NUF2: variants seen among roughly 807,000 people sequenced by gnomAD.
NUF2 encodes NUF2 component of NDC80 kinetochore complex.
In NUF2, 34 loss-of-function variants were observed where a neutral mutation model predicts 61.8. That is an observed-to-expected ratio of 0.55 (90% confidence interval 0.42 to 0.73). The LOEUF (loss-of-function observed/expected upper bound fraction) is 0.73, where lower values mean the gene tolerates loss of function less well. Among genes scored for constraint, NUF2 ranks in the 30% least tolerant of loss-of-function variants. The pLI, the probability that NUF2 is intolerant of heterozygous loss-of-function variation, is 0.00. For missense variants in NUF2, 445 were observed against 539.1 expected, an observed-to-expected ratio of 0.83 and a Z score of 1.73; for synonymous variants, 172 against 181.6, an observed-to-expected ratio of 0.95 and a Z score of 0.42.
At position 163,338,107 on chromosome 1, in the gene NUF2, T is replaced by C; in HGVS notation, c.509+14T>C. ...GGAGAGACTTGAGTAAGTGGGAGATTTACAAGTAAAATAAATGCAATTTCA... is the reference window on the plus strand; with the variant it reads ...GGAGAGACTTGAGTAAGTGGGAGATCTACAAGTAAAATAAATGCAATTTCA... On this transcript the variant is annotated intron_variant, in intron 7 of 13. Transcript: ENST00000271452. 6.3e-7 allele frequency: 1 copy of C among 1,599,946 alleles called. No individual in the cohort carries two copies. Among genetic ancestry groups the C allele is most frequent in the South Asian group, 1.1e-5 (1 of 90,634 alleles).
At chr1:163,330,874 G>A (rs1267865468) in intron 5 of NUF2, among the ~76,000 whole-genome samples, 1 of 151,198 alleles carries the variant, frequency 6.6e-6, no homozygotes, top group Non-Finnish European at 1.5e-5. Context: ...GTGTAGACAA[G>A]TACAATTGAT....
chr1:163,331,041 T>A (rs1290400818), intron 5 of NUF2, among the ~76,000 whole-genome samples: 1 of 128,504 alleles, frequency 7.8e-6, no homozygotes, highest in Non-Finnish European at 1.7e-5. Context: ...TTTTTTTTTT[T>A]ACGTTTCTGC....
chr1:163,324,416 G>A (rs572075109), intron 1 of NUF2, among the ~76,000 whole-genome samples: 50 of 152,286 alleles, frequency 3.3e-4, no homozygotes, highest in African/African-American at 9.9e-4. Context: ...TGTTCAAGTT[G>A]AATTGGGAAG....
chr1:163,327,115 C>A (rs879913331), intron 2 of NUF2, among the ~76,000 whole-genome samples: 146 of 43,508 alleles, frequency 3.4e-3, no homozygotes, highest in Non-Finnish European at 6.1e-3. Context: ...CACACACACA[C>A]ACACACACAC....
At chr1:163,344,588 T>C (rs533899408) in intron 10 of NUF2, among the ~76,000 whole-genome samples, 1 of 129,364 alleles carries the variant, frequency 7.7e-6, no homozygotes, top group Non-Finnish European at 1.7e-5. Context: ...GTAAGGTGTG[T>C]TCAAGATTAT....
intron 3 of NUF2, 121 bp from the exon 4 acceptor site, chr1:163,328,105 AGG>A: frequency 1.8e-6 from 1 of 551,132 alleles, no homozygotes; most frequent in South Asian, 3.1e-5. Context: ...CATTTATACT[AGG>A]ATATGTATTA....
intron 5 of NUF2, among the ~76,000 whole-genome samples, chr1:163,332,879 T>A (rs1455812932): frequency 6.6e-6 from 1 of 152,162 alleles, no homozygotes; most frequent in Non-Finnish European, 1.5e-5. Flanking sequence ...GACCTGAACA[T>A]CTTTGGGTGC....
chr1:163,341,562 G>T (rs1319911906), intron 9 of NUF2, among the ~76,000 whole-genome samples: 1 of 151,904 alleles, frequency 6.6e-6, no homozygotes, highest in Non-Finnish European at 1.5e-5. Context: ...TGTCCATCTT[G>T]CTTAGTGATT....
intron 13 of NUF2, among the ~76,000 whole-genome samples, chr1:163,352,851 G>A (rs1450661950): frequency 6.6e-6 from 1 of 151,686 alleles, no homozygotes; most frequent in African/African-American, 2.4e-5. Context: ...GGGCGACAGA[G>A]CGAGACTCCG....
intron 11 of NUF2, 73 bp downstream of exon 11, chr1:163,345,891 C>T (rs1336102378): frequency 9.2e-7 from 1 of 1,082,052 alleles, no homozygotes; most frequent in Non-Finnish European, 1.3e-6. Context: ...TTTGCTTTCA[C>T]TTTTTGTTAT....
In NUF2 at chr1:163,327,565, G is replaced by A; in HGVS notation, c.198+3G>A. On this transcript the variant is annotated splice_donor_region_variant and intron_variant, in intron 3 of 13. Coordinates refer to ENST00000271452, the MANE Select transcript of NUF2 (RefSeq NM_145697.3). Reference sequence around the variant, plus strand: ...TTCGACTGGAACATTTTTACATGGTGAGTTTAAGATGAGGCAAAATTATGG... The same window carrying A: ...TTCGACTGGAACATTTTTACATGGTAAGTTTAAGATGAGGCAAAATTATGG... The A allele has an allele frequency of 2.5e-6, 4 of 1,595,024 alleles. No individual in the cohort carries two copies. Among genetic ancestry groups the A allele is most frequent in the Non-Finnish European group, 3.4e-6 (4 of 1,162,894 alleles).
rs142235785 is a variant in NUF2, at chr1:163,336,848, T to C, written c.435T>C (p.Tyr145=). Reference sequence around the variant, plus strand: ...CGTATATGGAATTTCTTTGGCAATATGTAAGATTTAAATATGTTTTGGGGT... The same window carrying C: ...CGTATATGGAATTTCTTTGGCAATACGTAAGATTTAAATATGTTTTGGGGT... ...RETYMEFLWQ[Y]KSSADKMQQL... The change falls in exon 6 of 14, where the codon TAT becomes TAC. Residue 145 remains tyrosine (Y), a splice_region_variant and synonymous_variant. Coordinates refer to ENST00000271452, the MANE Select transcript of NUF2 (RefSeq NM_145697.3). 1.7e-4 allele frequency: 270 copies of C among 1,587,438 alleles called. No individual in the cohort carries two copies. In the African/African-American group the frequency reaches 3.4e-3, roughly 20 times the overall value.
At position 163,345,760 on chromosome 1, in the gene NUF2, A is replaced by T. The variant is rs1651103635; in HGVS notation, c.890A>T (p.Gln297Leu). The T allele has an allele frequency of 6.2e-7, 1 of 1,610,808 alleles. No homozygotes were observed. The highest frequency in any genetic ancestry group is 2.2e-5 in the East Asian group (1 of 44,798). ...PSCQLEVQLY[Q>L]KKIQDLSDNR... ...TGTCAGTTGGAAGTGCAGTTATATC[A>T]AAAGAAAATACAGGACCTTTCAGAT... Residue 297 changes from glutamine (Q) to leucine (L), a missense_variant, in exon 11 of 14, where the codon CAA (glutamine) becomes CTA (leucine). Transcript: ENST00000271452.
rs151218253 is a variant in NUF2, at chr1:163,336,990, A to G, written c.435+142A>G. The G allele has an allele frequency of 5.1e-6, 3 of 585,594 alleles. No individual in the cohort carries two copies. The African/African-American group carries it at 5.6e-5, about 11-fold the overall frequency. 36.3% of individuals were successfully genotyped at this position (585,594 alleles called of 1,614,324 possible). ...TGAACTCATTTTTATATTTATATTA[A>G]CTTGCAGATTTTAGTTACTGGATAG... On this transcript the variant is annotated intron_variant, in intron 6 of 13. Coordinates refer to ENST00000271452, the MANE Select transcript of NUF2 (RefSeq NM_145697.3).
intron 5 of NUF2, 77 bp from the exon 6 acceptor site, chr1:163,336,674 G>T (rs527852224): frequency 2.3e-6 from 2 of 867,398 alleles, no homozygotes; most frequent in East Asian, 2.5e-5. Context: ...AGAATATATA[G>T]TGGAAGAGGA....
rs1299783672 is a variant in NUF2, at chr1:163,351,550, A to T, written c.1260+2470A>T. ...ATCAGCATGCCTTTTTCTTCAAAATAAAAATGTTTACTAGAACAAGGTCCT... is the reference window on the plus strand; with the variant it reads ...ATCAGCATGCCTTTTTCTTCAAAATTAAAATGTTTACTAGAACAAGGTCCT... On this transcript the variant is annotated intron_variant, in intron 13 of 13. Transcript: ENST00000271452. Among the ~76,000 whole-genome samples, 17 of 152,186 alleles carry T rather than the reference A, an allele frequency of 1.1e-4. 1 individual carries two copies. Among genetic ancestry groups the T allele is most frequent in the Non-Finnish European group, 2.5e-4 (17 of 68,018 alleles).
chr1:163,343,656 C>A, intron 9 of NUF2, 77 bp from the exon 10 acceptor site: 1 of 664,074 alleles, frequency 1.5e-6, no homozygotes, highest in Non-Finnish European at 2.3e-6. Flanking sequence ...GACCTAATTT[C>A]TTTGTTCTTT....
chr1:163,344,489 A>G (rs971209604), intron 10 of NUF2, among the ~76,000 whole-genome samples: 1 of 151,476 alleles, frequency 6.6e-6, no homozygotes, highest in African/African-American at 2.4e-5. Context: ...CATTTTAAAC[A>G]TAGCAGTACC....
intron 1 of NUF2, among the ~76,000 whole-genome samples, chr1:163,323,563 C>A (rs1291448100): frequency 6.6e-6 from 1 of 151,908 alleles, no homozygotes; most frequent in Non-Finnish European, 1.5e-5. Flanking sequence ...CACACACACA[C>A]AAATTAACAG....
Sources: gnomAD v4.1 joint callset for allele counts (sites outside exome capture counted in the v4.1 genomes callset) on GRCh38, gnomAD v4.1.1 for gene constraint, MANE v1.5 for transcripts, NCBI Gene and HGNC (gene_info 2026-07-23, HGNC 2026-07-21) for gene names.